PRKN: variants seen among roughly 807,000 people sequenced by gnomAD.
PRKN encodes the protein E3 ubiquitin-protein ligase parkin.
In PRKN, 56 loss-of-function variants were observed where a neutral mutation model predicts 59.5. That is an observed-to-expected ratio of 0.94 (90% CI 0.76 to 1.18). The LOEUF (loss-of-function observed/expected upper bound fraction) is 1.18. Ranked by LOEUF, PRKN falls within the 50% of genes most tolerant of loss-of-function variation. The probability of loss-of-function intolerance (pLI) is 0.00; values close to 1 mark genes in which losing one functional copy is unlikely to be tolerated. For missense variants in PRKN, 657 were observed against 596.4 expected (o/e 1.10, Z -1.06); for synonymous variants, 250 against 222.1 (o/e 1.13, Z -1.12).
At chr6:161,794,163 T>C (rs1790747721) in intron 6 of PRKN, among the ~76,000 whole-genome samples, 1 of 152,186 alleles carries the variant, frequency 6.6e-6, no homozygotes, top group Non-Finnish European at 1.5e-5. Context: ...CATTGATAGG[T>C]TAACTCATTT....
chr6:161,893,499 G>A (rs979288204), intron 6 of PRKN, among the ~76,000 whole-genome samples: 3 of 152,158 alleles, frequency 2.0e-5, no homozygotes, highest in Non-Finnish European at 4.4e-5. Flanking sequence ...AACACTGTCT[G>A]TGCCTTCACT....
chr6:162,006,337 C>A (rs559012670), intron 5 of PRKN, among the ~76,000 whole-genome samples: 26 of 152,248 alleles, frequency 1.7e-4, no homozygotes, highest in African/African-American at 6.0e-4. Context: ...ATATTCTTCC[C>A]ACAGCAAAAT....
chr6:162,414,726 A>AAAAAAAAAAAAAAAAAAAAAT lies in PRKN; in HGVS notation c.171+28583_171+28584insATTTTTTTTTTTTTTTTTTTT, dbSNP rs34838356. 6.5e-5 allele frequency among the ~76,000 whole-genome samples: 6 copies of AAAAAAAAAAAAAAAAAAAAAT among 91,870 alleles called. 1 individual carries two copies. The highest frequency in any genetic ancestry group is 1.0e-4 in the Non-Finnish European group (5 of 47,960). The allele number at this position is 91,870 out of a possible 152,430, so 60.3% of individuals were successfully genotyped here. On this transcript the variant is annotated intron_variant, in intron 2 of 11. Transcript: ENST00000366898. ...ACTCCGTCTCAAAAAAAAAAAAAAA[A>AAAAAAAAAAAAAAAAAAAAAT]AGTGAATCTTTGAAGTTTTAAAATA... is the stretch of plus-strand genomic sequence containing the variant.
intron 2 of PRKN, among the ~76,000 whole-genome samples, chr6:162,439,331 A>C (rs1197073395): frequency 0.014 from 1,108 of 81,278 alleles, no homozygotes; most frequent in African/African-American, 0.017. Context: ...CCCTTCCTTT[A>C]CCCCTCCCTT....
chr6:162,354,767 A>C (rs1784775264), intron 2 of PRKN, among the ~76,000 whole-genome samples: 1 of 151,990 alleles, frequency 6.6e-6, no homozygotes, highest in Admixed American at 6.6e-5. Context: ...TCTTTGTATT[A>C]TTTGTCTTTA....
intron 2 of PRKN, among the ~76,000 whole-genome samples, chr6:162,275,884 T>C (rs1780616581): frequency 1.3e-5 from 2 of 152,138 alleles, no homozygotes; most frequent in Admixed American, 6.6e-5. Context: ...AATTGGCACA[T>C]CTTAGAATGG....
chr6:161,883,920 T>G (rs1246087718), intron 6 of PRKN, among the ~76,000 whole-genome samples: 1 of 152,190 alleles, frequency 6.6e-6, no homozygotes, highest in Non-Finnish European at 1.5e-5. Context: ...CCCAAGGTGC[T>G]GGGATTACAG....
At chr6:162,602,652 C>G (rs1562425625) in intron 1 of PRKN, among the ~76,000 whole-genome samples, 1 of 152,150 alleles carries the variant, frequency 6.6e-6, no homozygotes, top group Non-Finnish European at 1.5e-5. Context: ...TGGTCCTGAG[C>G]TATCATAGAA....
intron 1 of PRKN, chr6:162,569,088 T>C (rs755016269): frequency 3.5e-5 from 23 of 666,552 alleles, no homozygotes; most frequent in African/African-American, 2.5e-4. Flanking sequence ...GACAGCATCA[T>C]TGCTGAGGTC....
At chr6:162,229,508 T>A (rs1394540092) in intron 3 of PRKN, among the ~76,000 whole-genome samples, 4 of 152,200 alleles carry the variant, frequency 2.6e-5, no homozygotes, top group Non-Finnish European at 4.4e-5. Flanking sequence ...GCTTTTCTTT[T>A]AGAAACATGA....
chr6:162,470,568 G>A (rs1363081331), intron 1 of PRKN, among the ~76,000 whole-genome samples: 8 of 151,360 alleles, frequency 5.3e-5, no homozygotes, highest in Admixed American at 4.6e-4. Context: ...TCCAGCCTAG[G>A]CAACACTGCG....
At chr6:162,601,086 A>C (rs1781689029) in intron 1 of PRKN, among the ~76,000 whole-genome samples, 1 of 152,190 alleles carries the variant, frequency 6.6e-6, no homozygotes, top group Admixed American at 6.5e-5. Flanking sequence ...AAGTCCAAGA[A>C]CAAGGCAACG....
At chr6:161,989,952 T>C (rs1583448267) in intron 5 of PRKN, among the ~76,000 whole-genome samples, 1 of 152,214 alleles carries the variant, frequency 6.6e-6, no homozygotes, top group African/African-American at 2.4e-5. Flanking sequence ...GCCTGAGCAC[T>C]GGCTTGCTTA....
intron 1 of PRKN, among the ~76,000 whole-genome samples, chr6:162,445,627 G>C (rs1274471845): frequency 7.7e-6 from 1 of 130,292 alleles, no homozygotes; most frequent in African/African-American, 3.0e-5. Context: ...AGGAATTAGA[G>C]GTTTCAGTGA....
chr6:162,144,530 C>G (rs1381254414), intron 4 of PRKN, among the ~76,000 whole-genome samples: 1 of 152,062 alleles, frequency 6.6e-6, no homozygotes, highest in Non-Finnish European at 1.5e-5. Flanking sequence ...GTGCTCCGAG[C>G]CTTCCTGGGA....
chr6:162,527,408 C>T (rs186165093), intron 1 of PRKN, among the ~76,000 whole-genome samples: 67 of 151,762 alleles, frequency 4.4e-4, no homozygotes, highest in African/African-American at 1.4e-3. Flanking sequence ...ATTTTTTTTT[C>T]CACAAAATAA....
intron 7 of PRKN, among the ~76,000 whole-genome samples, chr6:161,629,650 G>A (rs1389351385): frequency 6.6e-6 from 1 of 151,848 alleles, no homozygotes; most frequent in Admixed American, 6.6e-5. Context: ...CTTTTTTAAT[G>A]TTTTCCATCC....
intron 2 of PRKN, among the ~76,000 whole-genome samples, chr6:162,320,590 G>C (rs1195876452): frequency 2.6e-5 from 4 of 151,574 alleles, no homozygotes; most frequent in African/African-American, 9.6e-5. Context: ...AAAATAAAAA[G>C]ACTATTTCAA....
At chr6:162,484,898 T>C (rs1271385997) in intron 1 of PRKN, among the ~76,000 whole-genome samples, 1 of 152,198 alleles carries the variant, frequency 6.6e-6, no homozygotes, top group African/African-American at 2.4e-5. Context: ...AATTTTACTT[T>C]TACATTGTTT....
Sources: gnomAD v4.1 joint callset for allele counts (sites outside exome capture counted in the v4.1 genomes callset) on GRCh38, gnomAD v4.1.1 for gene constraint, MANE v1.5 for transcripts, NCBI Gene and HGNC (gene_info 2026-07-23, HGNC 2026-07-21) for gene names.